MYO3B: variants seen among roughly 807,000 people sequenced by gnomAD.
MYO3B encodes the protein myosin IIIB.
In MYO3B, 156 loss-of-function variants were observed where a neutral mutation model predicts 174.6. The observed-to-expected ratio is 0.89, with a 90% CI of 0.78 to 1.02. The LOEUF (loss-of-function observed/expected upper bound fraction) is 1.02. MYO3B is among the 50% of genes least tolerant of loss of function. The pLI is 0.00. For missense variants in MYO3B, 1,632 were observed against 1,639.4 expected (o/e 1.00, Z 0.08); for synonymous variants, 563 against 569.1 (o/e 0.99, Z 0.15).
chr2:170,557,438 G>GA lies in MYO3B; in HGVS notation c.3733+13455dup, dbSNP rs144355487. Among the ~76,000 whole-genome samples, 488 of 152,240 alleles carry GA rather than the reference G, an allele frequency of 3.2e-3. 1 individual carries two copies. The highest frequency in any genetic ancestry group is 0.011 in the African/African-American group (472 of 41,544). Reference sequence around the variant, plus strand: ...GTTTGCTAAGTTACTAAAACTCCTGGAAAAACTAGAAAAACTCAGGTTGTC... The same window carrying GA: ...GTTTGCTAAGTTACTAAAACTCCTGGAAAAAACTAGAAAAACTCAGGTTGTC... On this transcript the variant is annotated intron_variant, in intron 32 of 34. Transcript: ENST00000408978.
intron 32 of MYO3B, among the ~76,000 whole-genome samples, chr2:170,551,093 T>C (rs756622396): frequency 2.0e-5 from 3 of 151,794 alleles, no homozygotes; most frequent in African/African-American, 2.4e-5. Flanking sequence ...AGAGACAGGA[T>C]TTCACTATGC....
chr2:170,376,274 C>T (rs922854636), intron 9 of MYO3B, among the ~76,000 whole-genome samples: 4 of 152,126 alleles, frequency 2.6e-5, no homozygotes, highest in African/African-American at 9.7e-5. Context: ...AATGTCATTC[C>T]TCAAAGGTCT....
chr2:170,539,869 G>T (rs959794850), intron 30 of MYO3B, among the ~76,000 whole-genome samples: 1 of 151,900 alleles, frequency 6.6e-6, no homozygotes, highest in Non-Finnish European at 1.5e-5. Context: ...CATTCCACCT[G>T]CCTCAACCTC....
At chr2:170,494,103 C>T (rs1686685303) in intron 25 of MYO3B, among the ~76,000 whole-genome samples, 1 of 152,200 alleles carries the variant, frequency 6.6e-6, no homozygotes, top group Non-Finnish European at 1.5e-5. Context: ...TGTTATACAG[C>T]AATATAAAAC....
At chr2:170,572,205 G>A (rs1442047373) in intron 32 of MYO3B, among the ~76,000 whole-genome samples, 2 of 152,234 alleles carry the variant, frequency 1.3e-5, no homozygotes, top group East Asian at 1.9e-4. Flanking sequence ...CGAGGCGGGT[G>A]GATCACGAGG....
chr2:170,214,758 C>T lies in MYO3B; in HGVS notation c.456C>T (p.Ile152=), dbSNP rs1254554069. ...TTCAGCATTTGCACAACAACCGAAT[C>T]ATCCACCGTGATGTGAAGGGGAATA... ...LGLQHLHNNR[I]IHRDVKGNNI... The change falls in exon 5 of 35, where the codon ATC becomes ATT. Residue 152 remains isoleucine, a synonymous_variant. Transcript: ENST00000408978. 3 of 1,614,154 alleles carry T rather than the reference C, an allele frequency of 1.9e-6. No individual in the cohort carries two copies. Among genetic ancestry groups the T allele is most frequent in the East Asian group, 2.2e-5 (1 of 44,892 alleles).
At chr2:170,445,342 T>C (rs2094832863) in intron 23 of MYO3B, among the ~76,000 whole-genome samples, 1 of 145,726 alleles carries the variant, frequency 6.9e-6, no homozygotes, top group South Asian at 2.1e-4. Flanking sequence ...GGGGATACAT[T>C]TTTTTTTTTT....
At chr2:170,269,494 C>A (rs2093411411) in intron 7 of MYO3B, among the ~76,000 whole-genome samples, 1 of 152,148 alleles carries the variant, frequency 6.6e-6, no homozygotes, top group African/African-American at 2.4e-5. Context: ...TGTGGGGAAA[C>A]AAGCACTAGC....
intron 25 of MYO3B, among the ~76,000 whole-genome samples, chr2:170,477,341 C>G (rs1685380837): frequency 6.6e-6 from 1 of 152,166 alleles, no homozygotes; most frequent in African/African-American, 2.4e-5. Context: ...CTCTGTGCTC[C>G]CACAACTGGA....
chr2:170,344,545 T>C (rs1018004453), intron 8 of MYO3B: 1 of 152,002 alleles, frequency 6.6e-6, no homozygotes, highest in Admixed American at 6.6e-5. Context: ...TACAACTTTA[T>C]CACATGGCCA....
intron 32 of MYO3B, among the ~76,000 whole-genome samples, chr2:170,562,616 A>G (rs1351357219): frequency 1.3e-5 from 2 of 152,204 alleles, no homozygotes; most frequent in African/African-American, 4.8e-5. Context: ...AATTTCCTAA[A>G]GTCACATGAT....
At chr2:170,627,955 C>T (rs753123568) in intron 32 of MYO3B, among the ~76,000 whole-genome samples, 19 of 152,160 alleles carry the variant, frequency 1.2e-4, no homozygotes, top group Non-Finnish European at 2.4e-4. Flanking sequence ...TGTCAGTCTG[C>T]CCCTACTGGG....
intron 32 of MYO3B, among the ~76,000 whole-genome samples, chr2:170,599,695 C>A (rs1438883279): frequency 6.6e-6 from 1 of 152,110 alleles, no homozygotes; most frequent in Non-Finnish European, 1.5e-5. Flanking sequence ...TTGTAGTGAG[C>A]CGAGATTGTG....
intron 32 of MYO3B, among the ~76,000 whole-genome samples, chr2:170,643,235 G>T (rs1394572054): frequency 6.6e-6 from 1 of 152,196 alleles, no homozygotes; most frequent in Non-Finnish European, 1.5e-5. Flanking sequence ...TTGCTAAAAT[G>T]AGATGAAGTA....
intron 7 of MYO3B, among the ~76,000 whole-genome samples, chr2:170,313,952 C>T (rs937151087): frequency 9.2e-5 from 14 of 152,154 alleles, no homozygotes; most frequent in Admixed American, 9.2e-4. Context: ...ATAATTACTG[C>T]CATTCATTAC....
intron 25 of MYO3B, among the ~76,000 whole-genome samples, chr2:170,488,782 G>T (rs930257634): frequency 3.3e-5 from 5 of 152,144 alleles, no homozygotes; most frequent in Non-Finnish European, 5.9e-5. Context: ...GCTCAAAGGG[G>T]ATAACAGGAC....
chr2:170,651,508 T>A, intron 32 of MYO3B, 120 bp from the exon 33 acceptor site: 2 of 737,826 alleles, frequency 2.7e-6, no homozygotes, highest in East Asian at 5.1e-5. Context: ...GTAAAGCTTT[T>A]AATATGCCCA....
At chr2:170,503,867 A>G (rs1335785598) in intron 28 of MYO3B, among the ~76,000 whole-genome samples, 1 of 152,210 alleles carries the variant, frequency 6.6e-6, no homozygotes, top group Non-Finnish European at 1.5e-5. Context: ...AACACCGTGG[A>G]CAGGAATTGG....
chr2:170,548,975 G>A (rs1306217404), intron 32 of MYO3B, among the ~76,000 whole-genome samples: 1 of 151,992 alleles, frequency 6.6e-6, no homozygotes, highest in Admixed American at 6.6e-5. Context: ...CTTTGCTATG[G>A]TCTAAAAAAC....
Sources: allele counts gnomAD v4.1 joint callset (sites outside exome capture counted in the v4.1 genomes callset), GRCh38; gene constraint gnomAD v4.1.1; transcripts MANE v1.5; gene names NCBI Gene and HGNC (gene_info 2026-07-23, HGNC 2026-07-21).